TNRC6B: variants seen among roughly 807,000 people sequenced by gnomAD.
TNRC6B encodes trinucleotide repeat-containing gene 6B protein.
TNRC6B carries 52 observed loss-of-function variants against 203.6 expected under a neutral mutation model. That is an observed-to-expected ratio of 0.26 (90% CI 0.20 to 0.32). The LOEUF (loss-of-function observed/expected upper bound fraction) is 0.32. TNRC6B is among the 10% of genes least tolerant of loss of function. The pLI, the probability that TNRC6B is intolerant of heterozygous loss-of-function variation, is 1.00. For synonymous variants in TNRC6B, 838 were observed against 845.7 expected (o/e 0.99, Z 0.16); for missense variants, 1,923 against 2,286.2 (o/e 0.84, Z 3.24).
At chr22:40,209,803 G>T (rs956895584) in intron 1 of TNRC6B, among the ~76,000 whole-genome samples, 2 of 152,054 alleles carry the variant, frequency 1.3e-5, no homozygotes, top group Admixed American at 6.6e-5. Context: ...GGTGGATCAC[G>T]AGGTCAGCAG....
rs1601471013 is a variant in TNRC6B at position 40,266,748 on chromosome 22, T to C, written c.2518T>C (p.Trp840Arg). Residue 840 changes from tryptophan (W) to arginine (R), a missense_variant, in exon 5 of 23, where the codon TGG becomes CGG. By Grantham distance (101) the Trp-to-Arg change is moderately radical. Transcript: ENST00000454349. ...PPPQPEASGSWGGPPPPPPGN... is the reference protein window; with the variant it reads ...PPPQPEASGSRGGPPPPPPGN... ...ACCACAACCAGAGGCTTCTGGTTCG[T>C]GGGGAGGCCCACCCCCACCACCTCC... 3 of 1,613,688 alleles carry C rather than the reference T, an allele frequency of 1.9e-6. No individual in the cohort carries two copies. The highest frequency in any genetic ancestry group is 1.3e-5 in the African/African-American group (1 of 74,912).
intron 1 of TNRC6B, among the ~76,000 whole-genome samples, chr22:40,189,098 C>T (rs1364599852): frequency 2.6e-5 from 4 of 152,082 alleles, no homozygotes; most frequent in East Asian, 1.9e-4. Context: ...TTTAAAAAAA[C>T]GTTAATTTGT....
At chr22:40,285,832 T>A in intron 12 of TNRC6B, 62 bp downstream of exon 12, 1 of 1,574,834 alleles carries the variant, frequency 6.3e-7, no homozygotes, top group South Asian at 1.2e-5. Flanking sequence ...TTACCAGTTG[T>A]TAACTGATTT....
chr22:40,262,964 C>G (rs547643541), intron 4 of TNRC6B, among the ~76,000 whole-genome samples: 1 of 151,624 alleles, frequency 6.6e-6, no homozygotes, highest in South Asian at 2.1e-4. Flanking sequence ...GGCGTCAACC[C>G]AGGAGGCGGA....
intron 1 of TNRC6B, among the ~76,000 whole-genome samples, chr22:40,079,179 C>T (rs1251198197): frequency 6.6e-6 from 1 of 152,058 alleles, no homozygotes; most frequent in Non-Finnish European, 1.5e-5. Flanking sequence ...TCCCAAAGTG[C>T]TGGGATTACA....
At chr22:40,190,005 T>TC (rs1035625068) in intron 1 of TNRC6B, among the ~76,000 whole-genome samples, 73 of 152,334 alleles carry the variant, frequency 4.8e-4, no homozygotes, top group African/African-American at 1.5e-3. Context: ...GTTTCCTTTT[T>TC]CCCACAGATC....
At chr22:40,153,379 A>G (rs62236803) in intron 3 of TNRC6B, among the ~76,000 whole-genome samples, 4,242 of 152,286 alleles carry the variant, frequency 0.028, 85 homozygotes, top group Non-Finnish European at 0.045. Flanking sequence ...TCAGTGGCCT[A>G]GAAAGCAATC....
chr22:40,302,632 C>CA (rs200078286), intron 15 of TNRC6B, among the ~76,000 whole-genome samples: 1,208 of 70,212 alleles, frequency 0.017, 13 homozygotes, highest in African/African-American at 0.05. Flanking sequence ...GACCCCATCT[C>CA]AAAAAAAAAA....
rs575536323 is a variant in TNRC6B at position 40,274,336 on chromosome 22, A to C, written c.3141+736A>C. Among the ~76,000 whole-genome samples, 205 of 152,226 alleles carry C rather than the reference A, an allele frequency of 1.3e-3. 1 individual carries two copies. The highest frequency in any genetic ancestry group is 4.0e-3 in the African/African-American group (168 of 41,540). ...GTCTTGATTTTATCTGATTTGGGAA[A>C]TTCCAAGACCCAGAACCCTTCTCCC... On this transcript the variant is annotated intron_variant, in intron 7 of 22. Transcript: ENST00000454349.
intron 1 of TNRC6B, among the ~76,000 whole-genome samples, chr22:40,089,540 T>G (rs1370306471): frequency 6.7e-6 from 1 of 148,798 alleles, no homozygotes. Context: ...GCGTTAAGAC[T>G]TTTTTTTTTA....
At chr22:40,212,699 C>A (rs1247548417) in intron 1 of TNRC6B, among the ~76,000 whole-genome samples, 2 of 152,058 alleles carry the variant, frequency 1.3e-5, no homozygotes, top group Non-Finnish European at 2.9e-5. Flanking sequence ...GAGACACAGT[C>A]TCACTCTGTT....
rs773481705 is a variant in TNRC6B at position 40,306,608 on chromosome 22, C to A, written c.4121-1904C>A. Among the ~76,000 whole-genome samples, 19 of 152,272 alleles carry A rather than the reference C, an allele frequency of 1.2e-4. No homozygotes were observed. The Middle Eastern group carries it at 0.014, about 109-fold the overall frequency. On this transcript the variant is annotated intron_variant, in intron 15 of 22. Coordinates refer to ENST00000454349, the MANE Select transcript of TNRC6B (RefSeq NM_001162501.2). ...CAGAGAAAACCTTTGTTCCTTGCAACCTTCCTGCCCTGCAATCTAATTTCA... is the reference window on the plus strand; with the variant it reads ...CAGAGAAAACCTTTGTTCCTTGCAAACTTCCTGCCCTGCAATCTAATTTCA...
rs11913304 is a variant in TNRC6B at position 40,301,691 on chromosome 22, A to G, written c.4120+358A>G. ...CCTTTCTAAGGCTGGGTAATACTCC[A>G]TTGTGCAGATATACCACAGTGTGTT... On this transcript the variant is annotated intron_variant, in intron 15 of 22. Transcript: ENST00000454349. 9.6e-3 allele frequency among the ~76,000 whole-genome samples: 1,456 copies of G among 152,258 alleles called. 17 individuals carry two copies. Among genetic ancestry groups the G allele is most frequent in the African/African-American group, 0.034 (1,393 of 41,532 alleles).
At position 40,265,497 on chromosome 22, in the gene TNRC6B, G is replaced by C. The variant is rs1368430664; in HGVS notation, c.1267G>C (p.Gly423Arg). 32 of 1,613,912 alleles carry C rather than the reference G, an allele frequency of 2.0e-5. No individual in the cohort carries two copies. Among genetic ancestry groups the C allele is most frequent in the Non-Finnish European group, 2.7e-5 (32 of 1,179,854 alleles). Residue 423 changes from glycine to arginine, a missense_variant, in exon 5 of 23, where the codon GGA becomes CGA. This residue lies in a region of TNRC6B where 614 missense variants were observed against 587.7 expected (regional missense o/e 1.04). Coordinates refer to ENST00000454349, the MANE Select transcript of TNRC6B (RefSeq NM_001162501.2). ...STGDRKTGSV[G>R]SWGAARGPSG... Reference sequence around the variant, plus strand: ...TGGAGATCGAAAGACTGGGAGTGTTGGATCTTGGGGTGCAGCTAGGGGGCC... The same window carrying C: ...TGGAGATCGAAAGACTGGGAGTGTTCGATCTTGGGGTGCAGCTAGGGGGCC...
At chr22:40,244,017 T>C (rs1282926985) in intron 1 of TNRC6B, among the ~76,000 whole-genome samples, 2 of 152,146 alleles carry the variant, frequency 1.3e-5, no homozygotes, top group Non-Finnish European at 2.9e-5. Context: ...CTGTGGTTGC[T>C]ACTTTCCTGT....
intron 22 of TNRC6B, chr22:40,321,521 C>T: frequency 1.0e-5 from 3 of 296,518 alleles, no homozygotes; most frequent in Non-Finnish European, 2.0e-5. Context: ...GGCACAGTGG[C>T]CCATGCCTGT....
chr22:40,105,127 G>T (rs1197570985), intron 1 of TNRC6B, among the ~76,000 whole-genome samples: 4 of 152,226 alleles, frequency 2.6e-5, no homozygotes, highest in Non-Finnish European at 2.9e-5. Flanking sequence ...AGAAAAGATG[G>T]GTGGTAAGGA....
chr22:40,150,015 G>A (rs1010902282), intron 3 of TNRC6B, among the ~76,000 whole-genome samples: 11 of 129,200 alleles, frequency 8.5e-5, no homozygotes, highest in South Asian at 2.7e-4. Context: ...AAATAGTTTC[G>A]GTGGGGTGGA....
intron 2 of TNRC6B, among the ~76,000 whole-genome samples, chr22:40,119,042 A>G (rs1167861009): frequency 3.3e-5 from 5 of 152,218 alleles, no homozygotes; most frequent in Admixed American, 2.0e-4. Flanking sequence ...GACCAGGCAG[A>G]CGAGGCTGGA....
Sources: allele counts gnomAD v4.1 joint callset (sites outside exome capture counted in the v4.1 genomes callset), GRCh38; gene constraint gnomAD v4.1.1; regional missense constraint gnomAD v4.1.1; transcripts MANE v1.5; gene names NCBI Gene and HGNC (gene_info 2026-07-23, HGNC 2026-07-21).